SRGAP1: variants seen among roughly 807,000 people sequenced by gnomAD.
SRGAP1 encodes SLIT-ROBO Rho GTPase-activating protein 1.
Under a neutral mutation model 121.9 loss-of-function variants are expected in SRGAP1, and 43 were observed. The ratio of observed to expected loss-of-function variants is 0.35; its 90% confidence interval spans 0.28 to 0.46. The LOEUF is 0.46. SRGAP1 is among the 20% of genes least tolerant of loss of function. The pLI is 1.00. For synonymous variants in SRGAP1, 447 were observed against 485.4 expected, an observed-to-expected ratio of 0.92 and a Z score of 1.04; for missense variants, 1,102 against 1,350.9, an observed-to-expected ratio of 0.82 and a Z score of 2.89.
At position 64,154,194 on chromosome 12, in the gene SRGAP1, G is replaced by C. The variant is rs538262534; in HGVS notation, c.*11522G>C. 1 of 152,262 alleles carries C rather than the reference G, an allele frequency of 6.6e-6. No individual in the cohort carries two copies. The highest frequency in any genetic ancestry group is 2.1e-4 in the South Asian group (1 of 4,824). 9.4% of individuals were successfully genotyped at this position (152,262 alleles called of 1,614,324 possible). A position where few individuals can be genotyped will look rare whatever the true frequency, so the allele number is the denominator to read the frequency against. ...TGTTTACAGGGTTTCAGTTTTGCAA[G>C]ATAAAAAGTTCTAAAGATCTGTTGT... is the stretch of plus-strand genomic sequence containing the variant. On this transcript the variant is annotated 3_prime_UTR_variant, in exon 22 of 22. Transcript: ENST00000355086.
intron 4 of SRGAP1, among the ~76,000 whole-genome samples, chr12:64,022,194 A>C (rs138834643): frequency 6.6e-6 from 1 of 152,156 alleles, no homozygotes; most frequent in Admixed American, 6.6e-5. Context: ...GTGATTTACT[A>C]TAAGGAGTTG....
intron 2 of SRGAP1, among the ~76,000 whole-genome samples, chr12:63,986,463 GC>G (rs2033418547): frequency 6.7e-6 from 1 of 149,598 alleles, no homozygotes; most frequent in South Asian, 2.1e-4. Context: ...TTGCTCTGTC[GC>G]CCAGGCTGGA....
Position 63,973,765 on chromosome 12 carries a change from T to C in SRGAP1, c.68-10182T>C, listed in dbSNP as rs76463617. On this transcript the variant is annotated intron_variant, in intron 1 of 21. Coordinates refer to ENST00000355086, the MANE Select transcript of SRGAP1 (RefSeq NM_020762.4). Reference sequence around the variant, plus strand: ...AAAGTTTTTCATTTTTTTTCTTTTTTCCTTTCCAATATTTTCCCAAAAAAG... The same window carrying C: ...AAAGTTTTTCATTTTTTTTCTTTTTCCCTTTCCAATATTTTCCCAAAAAAG... Among the ~76,000 whole-genome samples, 1,277 of 152,300 alleles carry C rather than the reference T, an allele frequency of 8.4e-3. 19 individuals are homozygous for C. Among genetic ancestry groups the C allele is most frequent in the African/African-American group, 0.029 (1,200 of 41,558 alleles).
intron 1 of SRGAP1, among the ~76,000 whole-genome samples, chr12:63,948,455 T>C (rs947211757): frequency 6.6e-6 from 1 of 152,180 alleles, no homozygotes; most frequent in Non-Finnish European, 1.5e-5. Context: ...CAGTCCAGTG[T>C]CAGGGACACA....
At chr12:64,018,235 T>C (rs779644382) in intron 4 of SRGAP1, among the ~76,000 whole-genome samples, 3 of 152,068 alleles carry the variant, frequency 2.0e-5, no homozygotes, top group Non-Finnish European at 4.4e-5. Flanking sequence ...ATTACAGGCA[T>C]GCGCCAGCAT....
chr12:64,094,630 C>T (rs954525322), intron 12 of SRGAP1, among the ~76,000 whole-genome samples: 2 of 152,146 alleles, frequency 1.3e-5, no homozygotes, highest in Non-Finnish European at 2.9e-5. Flanking sequence ...GATTATAATA[C>T]ACAGAGTTCT....
chr12:63,853,805 A>C (rs533062992), intron 1 of SRGAP1, among the ~76,000 whole-genome samples: 1 of 152,364 alleles, frequency 6.6e-6, no homozygotes, highest in African/African-American at 2.4e-5. Flanking sequence ...AAATGTAAGA[A>C]TCTGACTTTC....
At chr12:64,039,306 A>G (rs2034960882) in intron 4 of SRGAP1, among the ~76,000 whole-genome samples, 1 of 152,010 alleles carries the variant, frequency 6.6e-6, no homozygotes, top group Non-Finnish European at 1.5e-5. Context: ...GATGAGATAC[A>G]CTCTTTTCTT....
chr12:64,048,977 C>T (rs2035186232), intron 6 of SRGAP1, among the ~76,000 whole-genome samples: 1 of 152,062 alleles, frequency 6.6e-6, no homozygotes, highest in African/African-American at 2.4e-5. Flanking sequence ...TTGATTGTTT[C>T]TTTTGCTGCA....
At chr12:63,971,816 T>C (rs575843944) in intron 1 of SRGAP1, among the ~76,000 whole-genome samples, 67 of 152,130 alleles carry the variant, frequency 4.4e-4, no homozygotes, top group African/African-American at 1.4e-3. Flanking sequence ...ATAATTGCCA[T>C]CTCTTTAAGG....
intron 15 of SRGAP1, among the ~76,000 whole-genome samples, chr12:64,098,572 A>C (rs1444070004): frequency 6.6e-6 from 1 of 152,116 alleles, no homozygotes; most frequent in East Asian, 1.9e-4. Flanking sequence ...TGGGAGGCTG[A>C]AGCAGGAGGA....
At chr12:64,031,573 A>C (rs937364893) in intron 4 of SRGAP1, among the ~76,000 whole-genome samples, 2 of 152,180 alleles carry the variant, frequency 1.3e-5, no homozygotes, top group Non-Finnish European at 2.9e-5. Context: ...TGAAGGCTCC[A>C]ACAGAAAATA....
At chr12:64,138,152 T>C (rs1490912966) in intron 21 of SRGAP1, among the ~76,000 whole-genome samples, 2 of 151,948 alleles carry the variant, frequency 1.3e-5, no homozygotes, top group Non-Finnish European at 2.9e-5. Flanking sequence ...ACAACCACCA[T>C]TCTACTTTTT....
Position 64,097,558 on chromosome 12 carries a change from C to G in SRGAP1, c.1813+183C>G, listed in dbSNP as rs1263726315. On this transcript the variant is annotated intron_variant, in intron 15 of 21. Transcript: ENST00000355086. ...TCATCCTCCCAGCTGTGGCCTCACCCTCGGCTGAGTGGGCTTTCCTCCTGA... is the reference window on the plus strand; with the variant it reads ...TCATCCTCCCAGCTGTGGCCTCACCGTCGGCTGAGTGGGCTTTCCTCCTGA... 8.6e-6 allele frequency: 5 copies of G among 581,678 alleles called. No homozygotes were observed. The East Asian group carries it at 1.6e-4, about 19-fold the overall frequency. The allele number at this position is 581,678 out of a possible 1,614,324, so 36.0% of individuals were successfully genotyped here. A position where few individuals can be genotyped will look rare whatever the true frequency, so the allele number is the denominator to read the frequency against.
At chr12:64,112,036 A>G in intron 17 of SRGAP1, 50 bp downstream of exon 17, 1 of 1,418,170 alleles carries the variant, frequency 7.1e-7, no homozygotes, top group Non-Finnish European at 9.8e-7. Flanking sequence ...TTATGGAAAT[A>G]TAGCTATCAA....
chr12:63,988,991 A>C (rs1350664175), intron 2 of SRGAP1, among the ~76,000 whole-genome samples: 1 of 151,882 alleles, frequency 6.6e-6, no homozygotes, highest in Non-Finnish European at 1.5e-5. Context: ...TTGTATTTTT[A>C]CTAGAGGCGG....
At chr12:63,853,918 AATT>A (rs1368698949) in intron 1 of SRGAP1, among the ~76,000 whole-genome samples, 1 of 152,112 alleles carries the variant, frequency 6.6e-6, no homozygotes, top group Non-Finnish European at 1.5e-5. Context: ...GGGACAACCA[AATT>A]TCTCATTTGT....
At chr12:63,866,832 TGGGGAGATAAGG>T (rs1022929219) in intron 1 of SRGAP1, among the ~76,000 whole-genome samples, 2 of 151,866 alleles carry the variant, frequency 1.3e-5, no homozygotes, top group African/African-American at 2.4e-5. Context: ...TACCAGTCTC[TGGGGAGATAAGG>T]GAGGAGATAA....
At chr12:64,030,996 T>G (rs2034764676) in intron 4 of SRGAP1, among the ~76,000 whole-genome samples, 1 of 152,174 alleles carries the variant, frequency 6.6e-6, no homozygotes, top group Non-Finnish European at 1.5e-5. Context: ...TACAATTTGT[T>G]GTTATACTGG....
Sources: gnomAD v4.1 joint callset for allele counts (sites outside exome capture counted in the v4.1 genomes callset) on GRCh38, gnomAD v4.1.1 for gene constraint, MANE v1.5 for transcripts, NCBI Gene and HGNC (gene_info 2026-07-23, HGNC 2026-07-21) for gene names.